The following REEP1 variants were observed in gnomAD, a reference collection of about 807,000 sequenced individuals.
REEP1 encodes receptor expression-enhancing protein 1.
REEP1 carries 22 observed loss-of-function variants against 40.3 expected under a neutral mutation model. The ratio of observed to expected loss-of-function variants is 0.55; its 90% confidence interval spans 0.39 to 0.78. The LOEUF (loss-of-function observed/expected upper bound fraction) is 0.78. REEP1 is among the 30% of genes least tolerant of loss of function. The pLI is 0.00. For synonymous variants in REEP1, 116 were observed against 139.2 expected (o/e 0.83, Z 1.17); for missense variants, 280 against 361.1 (o/e 0.78, Z 1.82).
intron 6 of REEP1, among the ~76,000 whole-genome samples, chr2:86,231,946 G>A (rs1675041021): frequency 6.6e-6 from 1 of 152,206 alleles, no homozygotes; most frequent in South Asian, 2.1e-4. Flanking sequence ...GACTTTGCAT[G>A]TTTAACGAGG....
intron 3 of REEP1, among the ~76,000 whole-genome samples, chr2:86,257,069 A>G (rs7583074): frequency 0.42 from 63,650 of 152,024 alleles, 14,800 homozygotes; most frequent in East Asian, 0.65. Context: ...GGGCACTTTC[A>G]TGGCAAGATT....
At chr2:86,309,152 T>C (rs1427212006) in intron 1 of REEP1, among the ~76,000 whole-genome samples, 1 of 152,292 alleles carries the variant, frequency 6.6e-6, no homozygotes, top group Non-Finnish European at 1.5e-5. Context: ...CATTTCTCTC[T>C]CTCCAGCCCG....
At chr2:86,320,688 T>C (rs998065616) in intron 1 of REEP1, among the ~76,000 whole-genome samples, 2 of 152,122 alleles carry the variant, frequency 1.3e-5, no homozygotes, top group African/African-American at 4.8e-5. Context: ...TAAATAGAAT[T>C]TCTAGAATCT....
chr2:86,321,008 G>A (rs1680252286), intron 1 of REEP1, among the ~76,000 whole-genome samples: 1 of 152,138 alleles, frequency 6.6e-6, no homozygotes, highest in South Asian at 2.1e-4. Flanking sequence ...GTAGAGATGG[G>A]GTTTTGCCAT....
chr2:86,317,235 G>A (rs972814505), intron 1 of REEP1, among the ~76,000 whole-genome samples: 2 of 151,954 alleles, frequency 1.3e-5, no homozygotes, highest in African/African-American at 4.8e-5. Context: ...TTCAGTGTGT[G>A]AACTCTAATT....
intron 2 of REEP1, among the ~76,000 whole-genome samples, chr2:86,271,821 C>T (rs1404214831): frequency 4.6e-5 from 7 of 152,224 alleles, no homozygotes; most frequent in Non-Finnish European, 1.0e-4. Context: ...TATCCAGACA[C>T]ATTGTCAGGA....
At chr2:86,332,817 C>T (rs1680838910) in intron 1 of REEP1, among the ~76,000 whole-genome samples, 1 of 152,206 alleles carries the variant, frequency 6.6e-6, no homozygotes, top group Admixed American at 6.5e-5. Flanking sequence ...GATACTCCTC[C>T]TGTTTATAAA....
Position 86,251,974 on chromosome 2 carries a change from C to T in REEP1, c.400G>A (p.Val134Met), listed in dbSNP as rs747398780. ...CACAGTACCTTGGAAGCAGCCATCACAGCCGCTGTGGCGGCCACGTTCAAG... is the reference window on the plus strand; with the variant it reads ...CACAGTACCTTGGAAGCAGCCATCATAGCCGCTGTGGCGGCCACGTTCAAG... ...RGLNVAATAA[V>M]MAASKGQGAL... Residue 134 changes from valine to methionine, a missense_variant, in exon 5 of 9, where the codon GTG (valine) becomes ATG (methionine). Coordinates refer to ENST00000538924, the MANE Select transcript of REEP1 (RefSeq NM_001371279.1). 7 of 1,613,238 alleles carry T rather than the reference C, an allele frequency of 4.3e-6. No homozygotes were observed. The African/African-American group carries it at 5.3e-5, about 12-fold the overall frequency.
intron 7 of REEP1, among the ~76,000 whole-genome samples, chr2:86,221,421 C>T (rs1384659622): frequency 1.3e-5 from 2 of 152,194 alleles, no homozygotes; most frequent in African/African-American, 4.8e-5. Flanking sequence ...CTACTCTGCA[C>T]TTCCCTCAGC....
chr2:86,310,738 T>C (rs1378957864), intron 1 of REEP1, among the ~76,000 whole-genome samples: 1 of 152,138 alleles, frequency 6.6e-6, no homozygotes, highest in East Asian at 1.9e-4. Flanking sequence ...TGTGTATGTG[T>C]GTGTGTGTAT....
At chr2:86,298,819 C>A (rs1679121617) in intron 1 of REEP1, among the ~76,000 whole-genome samples, 1 of 152,198 alleles carries the variant, frequency 6.6e-6, no homozygotes, top group African/African-American at 2.4e-5. Context: ...AAGGGGATCG[C>A]TTTTTGCTGT....
chr2:86,232,442 T>G (rs1675069923), intron 6 of REEP1, among the ~76,000 whole-genome samples, 183 bp downstream of exon 6: 1 of 152,178 alleles, frequency 6.6e-6, no homozygotes, highest in African/African-American at 2.4e-5. Flanking sequence ...ACCAGGCTGG[T>G]TTCCTGGCCG....
chr2:86,232,776 C>T lies in REEP1; in HGVS notation c.444G>A (p.Leu148=), dbSNP rs568739767. 1 of 1,603,462 alleles carries T rather than the reference C, an allele frequency of 6.2e-7. No individual in the cohort carries two copies. The highest frequency in any genetic ancestry group is 1.1e-5 in the South Asian group (1 of 91,072). The change falls in exon 6 of 9, where the codon CTG becomes CTA. Residue 148 remains leucine, a synonymous_variant. Transcript: ENST00000538924. ...TGAGGTCCTGCATGCTGAAGCTCCG[C>T]AGTCTCTCCGATAAGGCACCCTGTC... is the stretch of plus-strand genomic sequence containing the variant. ...SKGQGALSER[L]RSFSMQDLTT... is the part of the protein sequence containing the mutation.
intron 5 of REEP1, among the ~76,000 whole-genome samples, chr2:86,240,330 T>A (rs1675605746): frequency 6.6e-6 from 1 of 152,204 alleles, no homozygotes; most frequent in African/African-American, 2.4e-5. Context: ...CAAAAGTGCA[T>A]GCCAGGCCAC....
At chr2:86,302,471 A>G (rs1448924587) in intron 1 of REEP1, among the ~76,000 whole-genome samples, 2 of 152,210 alleles carry the variant, frequency 1.3e-5, no homozygotes, top group African/African-American at 4.8e-5. Flanking sequence ...ATTATTTCTC[A>G]AACCTTAACA....
intron 2 of REEP1, among the ~76,000 whole-genome samples, chr2:86,269,401 A>G (rs137996628): frequency 2.2e-4 from 33 of 152,346 alleles, no homozygotes; most frequent in African/African-American, 7.2e-4. Context: ...CATCTGCAAA[A>G]TTAGCTAACT....
intron 1 of REEP1, among the ~76,000 whole-genome samples, chr2:86,285,407 A>C (rs1678334503): frequency 6.6e-6 from 1 of 152,234 alleles, no homozygotes; most frequent in African/African-American, 2.4e-5. Context: ...AGCAATAATA[A>C]AACATTTAAA....
intron 3 of REEP1, among the ~76,000 whole-genome samples, chr2:86,259,448 C>T (rs993266236): frequency 6.6e-6 from 1 of 150,912 alleles, no homozygotes; most frequent in Non-Finnish European, 1.5e-5. Flanking sequence ...TGCAGTGGTG[C>T]GATCTTAGCT....
chr2:86,223,824 G>T (rs143833502), intron 7 of REEP1: 4 of 152,074 alleles, frequency 2.6e-5, no homozygotes, highest in Non-Finnish European at 4.4e-5. Context: ...TTTTAAAAGG[G>T]GGGGAGGGAC....
Sources: gnomAD v4.1 joint callset for allele counts (sites outside exome capture counted in the v4.1 genomes callset) on GRCh38, gnomAD v4.1.1 for gene constraint, MANE v1.5 for transcripts, NCBI Gene and HGNC (gene_info 2026-07-23, HGNC 2026-07-21) for gene names.